The following TMEM229B variants were observed in gnomAD, a reference collection of about 807,000 sequenced individuals.
The protein encoded by TMEM229B is transmembrane protein 229B, also known as chromosome 14 open reading frame 83.
In TMEM229B, 6 loss-of-function variants were observed where a neutral mutation model predicts 13.7. The observed-to-expected ratio is 0.44, with a 90% CI of 0.24 to 0.86. The LOEUF (loss-of-function observed/expected upper bound fraction) is 0.86, where lower values mean the gene tolerates loss of function less well. TMEM229B is among the 40% of genes least tolerant of loss of function. The probability of loss-of-function intolerance (pLI) is 0.23; values close to 1 mark genes in which losing one functional copy is unlikely to be tolerated. For synonymous variants in TMEM229B, 107 were observed against 102.1 expected, an observed-to-expected ratio of 1.05 and a Z score of -0.29; for missense variants, 170 against 236.0, an observed-to-expected ratio of 0.72 and a Z score of 1.83.
chr14:67,508,019 T>C (rs1168550199), intron 1 of TMEM229B, among the ~76,000 whole-genome samples: 1 of 151,658 alleles, frequency 6.6e-6, no homozygotes, highest in African/African-American at 2.4e-5. Context: ...ATGCCTCTAA[T>C]CCCAGCTACT....
At chr14:67,508,868 C>G (rs2032932695) in intron 1 of TMEM229B, among the ~76,000 whole-genome samples, 1 of 150,976 alleles carries the variant, frequency 6.6e-6, no homozygotes, top group African/African-American at 2.4e-5. Flanking sequence ...TAAATATTTT[C>G]TCAGAAGAAC....
rs145659213 is a variant in TMEM229B, at chr14:67,479,675, G to A, written c.-18-5734C>T. Among the ~76,000 whole-genome samples the A allele has an allele frequency of 2.2e-4, 34 of 151,618 alleles. No individual in the cohort carries two copies. In the South Asian group the frequency reaches 2.9e-3, roughly 13 times the overall value. Reference sequence around the variant, plus strand: ...GGAGGTTGCCGTGAGCCGAGATAGCGCCACTGCACTCTAGCCTAGGTGACA... The same window carrying A: ...GGAGGTTGCCGTGAGCCGAGATAGCACCACTGCACTCTAGCCTAGGTGACA... On this transcript the variant is annotated intron_variant, in intron 2 of 2. Coordinates refer to ENST00000554480, the MANE Select transcript of TMEM229B (RefSeq NM_001348543.2).
At chr14:67,500,351 G>T (rs1014106617) in intron 1 of TMEM229B, among the ~76,000 whole-genome samples, 3 of 151,832 alleles carry the variant, frequency 2.0e-5, no homozygotes, top group Non-Finnish European at 4.4e-5. Context: ...GCGGGCGCCT[G>T]TAATCCCAGC....
Position 67,521,477 on chromosome 14 carries a change from G to A in TMEM229B, c.-192+12159C>T, listed in dbSNP as rs185060845. On this transcript the variant is annotated intron_variant, in intron 1 of 2. Coordinates refer to the TMEM229B transcript ENST00000554278. Reference sequence around the variant, plus strand: ...ATCCATATGTCCATGTGGGAAAGGGGTAGGTAGGTACTTTCATAGAAGTCT... The same window carrying A: ...ATCCATATGTCCATGTGGGAAAGGGATAGGTAGGTACTTTCATAGAAGTCT... 3.4e-3 allele frequency among the ~76,000 whole-genome samples: 525 copies of A among 152,314 alleles called. 3 individuals carry two copies. The highest frequency in any genetic ancestry group is 0.012 in the African/African-American group (502 of 41,568).
intron 1 of TMEM229B, among the ~76,000 whole-genome samples, chr14:67,496,237 GA>G (rs1227826913): frequency 6.6e-6 from 1 of 151,744 alleles, no homozygotes; most frequent in African/African-American, 2.4e-5. Context: ...TTTATTTTGA[GA>G]CCAGGTTATG....
intron 1 of TMEM229B, among the ~76,000 whole-genome samples, chr14:67,531,287 AAAC>A (rs1207948174): frequency 6.6e-6 from 1 of 152,144 alleles, no homozygotes; most frequent in Non-Finnish European, 1.5e-5. Flanking sequence ...TCTTAAAAGA[AAAC>A]AACAACAACA....
At chr14:67,500,746 T>C (rs890292030) in intron 1 of TMEM229B, among the ~76,000 whole-genome samples, 2 of 151,696 alleles carry the variant, frequency 1.3e-5, no homozygotes, top group Non-Finnish European at 2.9e-5. Flanking sequence ...TAATTTTTTG[T>C]ATTTTTACTA....
chr14:67,515,885 C>T (rs940764739), upstream of TMEM229B, among the ~76,000 whole-genome samples: 2 of 152,242 alleles, frequency 1.3e-5, no homozygotes, highest in South Asian at 2.1e-4. Flanking sequence ...TGTTTATCCC[C>T]ATTTCCAAGA....
upstream of TMEM229B, among the ~76,000 whole-genome samples, chr14:67,517,145 G>A (rs1268426353): frequency 6.6e-6 from 1 of 152,200 alleles, no homozygotes; most frequent in African/African-American, 2.4e-5. Flanking sequence ...GTGTCTCAGG[G>A]ACACGCTGGC....
intron 2 of TMEM229B, among the ~76,000 whole-genome samples, chr14:67,482,294 A>G (rs116252150): frequency 1.2e-3 from 186 of 152,352 alleles, no homozygotes; most frequent in African/African-American, 4.4e-3. Context: ...AGAGGCTGCC[A>G]TAAAAGTCTA....
At position 67,473,543 on chromosome 14, in the gene TMEM229B, C is replaced by T. The variant is rs747901757; in HGVS notation, c.381G>A (p.Gly127=). Residue 127 remains glycine, a synonymous_variant, in exon 3 of 3, where the codon GGG becomes GGA. Coordinates refer to ENST00000554480, the MANE Select transcript of TMEM229B (RefSeq NM_001348543.2). The surrounding 1 kb of genome is among the most constrained non-coding windows in gnomAD (Gnocchi z 6.5). ...TLEYAVPWFC[G]ALIMEQFIIR... ...TGATGAACTGCTCCATGATGAGGGC[C>T]CCGCAGAACCAGGGCACGGCGTACT... The T allele has an allele frequency of 8.0e-5, 129 of 1,613,860 alleles. No homozygotes were observed. The highest frequency in any genetic ancestry group is 1.0e-4 in the Non-Finnish European group (120 of 1,179,926).
At chr14:67,521,978 C>T (rs1031973449) in intron 1 of TMEM229B, among the ~76,000 whole-genome samples, 1 of 152,044 alleles carries the variant, frequency 6.6e-6, no homozygotes, top group Non-Finnish European at 1.5e-5. Context: ...AGTTCAATAT[C>T]AGCCTGACTA....
intron 1 of TMEM229B, chr14:67,533,165 GAGCGTTGAATGGGGCGC>G (rs1246446154): frequency 6.6e-6 from 1 of 152,156 alleles, no homozygotes; most frequent in Non-Finnish European, 1.5e-5. Context: ...GCGCCCGGCG[GAGCGTTGAATGGGGCGC>G]AGCAAGGCTC....
chr14:67,519,512 G>A (rs182677285), upstream of TMEM229B, among the ~76,000 whole-genome samples: 72 of 152,252 alleles, frequency 4.7e-4, no homozygotes, highest in East Asian at 0.014. Context: ...TTCCCTCTTG[G>A]ACAGGGAAGG....
At chr14:67,514,192 C>T (rs753506593) in intron 1 of TMEM229B, among the ~76,000 whole-genome samples, 6 of 152,156 alleles carry the variant, frequency 3.9e-5, no homozygotes, top group Non-Finnish European at 8.8e-5. Context: ...AACACTCTGC[C>T]CTCCTATCTC....
chr14:67,491,785 C>T (rs1313111925), upstream of TMEM229B, among the ~76,000 whole-genome samples: 1 of 152,182 alleles, frequency 6.6e-6, no homozygotes, highest in Non-Finnish European at 1.5e-5. Context: ...ACTTCCTACA[C>T]CAAGGAGGGG....
intron 1 of TMEM229B, among the ~76,000 whole-genome samples, chr14:67,530,798 G>A (rs1462819943): frequency 6.6e-6 from 1 of 152,232 alleles, no homozygotes; most frequent in African/African-American, 2.4e-5. Context: ...AGCAGGCTGT[G>A]TGACTGTTTT....
intron 1 of TMEM229B, among the ~76,000 whole-genome samples, chr14:67,523,736 T>G (rs1165578815): frequency 1.3e-5 from 2 of 152,262 alleles, no homozygotes; most frequent in Admixed American, 6.5e-5. Context: ...GTTAAAAGAT[T>G]CTGCCTTTCT....
Position 67,497,252 on chromosome 14 carries a change from C to T in TMEM229B, c.-191-10080G>A, listed in dbSNP as rs553538507. ...GGAGGGCAGCACAGTGAGCATCCGTCCCGAGGTTAGGCCAGATGCATGTGT... is the reference window on the plus strand; with the variant it reads ...GGAGGGCAGCACAGTGAGCATCCGTTCCGAGGTTAGGCCAGATGCATGTGT... On this transcript the variant is annotated intron_variant, in intron 1 of 2. Transcript: ENST00000357461. 2.6e-5 allele frequency among the ~76,000 whole-genome samples: 4 copies of T among 152,230 alleles called. No individual in the cohort carries two copies. In the South Asian group the frequency reaches 8.3e-4, roughly 32 times the overall value.
Sources: allele counts gnomAD v4.1 joint callset (sites outside exome capture counted in the v4.1 genomes callset), GRCh38; gene constraint gnomAD v4.1.1; non-coding constraint Gnocchi (gnomAD v3.1); transcripts MANE v1.5; gene names NCBI Gene and HGNC (gene_info 2026-07-23, HGNC 2026-07-21).